The following GABRB2 variants were observed in gnomAD, a reference collection of about 807,000 sequenced individuals.
GABRB2 encodes gamma-aminobutyric acid receptor subunit beta-2.
A neutral mutation model predicts 54.7 loss-of-function variants in GABRB2; 16 were observed. That is an observed-to-expected ratio of 0.29 (90% CI 0.20 to 0.44). The LOEUF (loss-of-function observed/expected upper bound fraction) is 0.44. GABRB2 is among the 20% of genes least tolerant of loss of function. The pLI is 1.00. For missense variants in GABRB2, 355 were observed against 644.0 expected, an observed-to-expected ratio of 0.55 and a Z score of 4.86; for synonymous variants, 244 against 233.8, an observed-to-expected ratio of 1.04 and a Z score of -0.40.
At chr5:161,394,987 T>G (rs1299727692) in intron 5 of GABRB2, among the ~76,000 whole-genome samples, 1 of 152,092 alleles carries the variant, frequency 6.6e-6, no homozygotes, top group African/African-American at 2.4e-5. Context: ...TAACATCATG[T>G]AAAATGACAA....
chr5:161,306,607 T>G (rs985278813), intron 9 of GABRB2, among the ~76,000 whole-genome samples: 2 of 152,168 alleles, frequency 1.3e-5, no homozygotes, highest in Non-Finnish European at 2.9e-5. Context: ...ACTTCGCTTC[T>G]ACAGATTCCG....
intron 5 of GABRB2, among the ~76,000 whole-genome samples, chr5:161,407,299 G>A (rs1161858559): frequency 2.0e-5 from 3 of 152,074 alleles, no homozygotes; most frequent in African/African-American, 7.2e-5. Context: ...CTATTTCAAA[G>A]ATATATAATA....
chr5:161,523,677 A>G (rs1760186003), intron 3 of GABRB2, among the ~76,000 whole-genome samples: 1 of 151,598 alleles, frequency 6.6e-6, no homozygotes, highest in Non-Finnish European at 1.5e-5. Context: ...TTTGGAAATG[A>G]ATGTTGTCTG....
At chr5:161,546,776 C>T, upstream of GABRB2, 1 of 1,469,642 alleles carries the variant, frequency 6.8e-7, no homozygotes, top group Non-Finnish European at 9.0e-7. Context: ...GCGGCGGCTG[C>T]CGGGGACCGA....
chr5:161,453,762 C>A (rs1373403791), intron 4 of GABRB2, among the ~76,000 whole-genome samples: 1 of 152,066 alleles, frequency 6.6e-6, no homozygotes, highest in Non-Finnish European at 1.5e-5. Flanking sequence ...CTTGGCCTAG[C>A]ATAGTGGCTC....
chr5:161,336,557 C>A, intron 6 of GABRB2, 75 bp downstream of exon 6: 4 of 1,519,230 alleles, frequency 2.6e-6, no homozygotes, highest in Non-Finnish European at 3.6e-6. Context: ...TGGGACAGAA[C>A]TCTAATATAA....
intron 4 of GABRB2, among the ~76,000 whole-genome samples, chr5:161,428,159 C>G (rs1757060127): frequency 6.6e-6 from 1 of 151,978 alleles, no homozygotes; most frequent in Non-Finnish European, 1.5e-5. Context: ...GCTCCTAAAT[C>G]CTTTGTTTTG....
intron 5 of GABRB2, among the ~76,000 whole-genome samples, chr5:161,395,524 A>G (rs1222659259): frequency 1.3e-5 from 2 of 152,110 alleles, no homozygotes; most frequent in Non-Finnish European, 2.9e-5. Flanking sequence ...GTTAGGAAAA[A>G]AAGGCAGACA....
chr5:161,535,923 G>A (rs1018516327), intron 3 of GABRB2, among the ~76,000 whole-genome samples: 8 of 152,046 alleles, frequency 5.3e-5, no homozygotes, highest in Non-Finnish European at 8.8e-5. Context: ...TCCACTGAGA[G>A]CTAATTATTA....
intron 8 of GABRB2, among the ~76,000 whole-genome samples, chr5:161,328,987 A>G (rs751626742): frequency 1.3e-5 from 2 of 152,194 alleles, no homozygotes; most frequent in Admixed American, 1.3e-4. Flanking sequence ...CCAAGAGGAT[A>G]GGCTTTTCAC....
intron 3 of GABRB2, among the ~76,000 whole-genome samples, chr5:161,532,272 G>T (rs555256908): frequency 6.6e-6 from 1 of 152,090 alleles, no homozygotes; most frequent in African/African-American, 2.4e-5. Flanking sequence ...GTATATGTAT[G>T]CGTGTGTCTG....
chr5:161,532,372 T>C (rs1296609854), intron 3 of GABRB2, among the ~76,000 whole-genome samples: 1 of 152,126 alleles, frequency 6.6e-6, no homozygotes, highest in African/African-American at 2.4e-5. Context: ...AATTACTTTA[T>C]ACATGATAAT....
At chr5:161,389,111 G>A (rs1044595404) in intron 5 of GABRB2, among the ~76,000 whole-genome samples, 3 of 151,838 alleles carry the variant, frequency 2.0e-5, no homozygotes, top group African/African-American at 7.3e-5. Flanking sequence ...CTATAAAATT[G>A]GATTGTTAAA....
At position 161,362,327 on chromosome 5, in the gene GABRB2, A is replaced by G. The variant is rs151231188; in HGVS notation, c.542-25558T>C. On this transcript the variant is annotated intron_variant, in intron 5 of 9. Coordinates refer to ENST00000393959, the MANE Select transcript of GABRB2 (RefSeq NM_001371727.1). ...TAATTCTGTGAAGAAAGCCAATGGT[A>G]GCTTGATGGGGATAGCATTGAATCT... Among the ~76,000 whole-genome samples the G allele has an allele frequency of 1.1e-3, 164 of 152,322 alleles. 3 individuals carry two copies. The East Asian group carries it at 0.029, about 27-fold the overall frequency.
intron 3 of GABRB2, among the ~76,000 whole-genome samples, chr5:161,475,801 TC>T (rs111484908): frequency 0.062 from 9,408 of 151,952 alleles, 326 homozygotes; most frequent in Middle Eastern, 0.095. Context: ...GGAAACTACC[TC>T]AACATAATAA....
chr5:161,300,801 A>C (rs887341281), intron 9 of GABRB2, among the ~76,000 whole-genome samples: 3 of 152,190 alleles, frequency 2.0e-5, no homozygotes, highest in African/African-American at 7.2e-5. Context: ...GAAAACTGCT[A>C]GTCTATTGGA....
intron 4 of GABRB2, among the ~76,000 whole-genome samples, chr5:161,428,862 A>C (rs1757087687): frequency 6.6e-6 from 1 of 152,206 alleles, no homozygotes; most frequent in African/African-American, 2.4e-5. Flanking sequence ...ATAATAATGA[A>C]AGCACAAAAA....
At position 161,336,803 on chromosome 5, in the gene GABRB2, A is replaced by C. The variant is rs780634930; in HGVS notation, c.542-34T>G. The C allele has an allele frequency of 2.6e-6, 4 of 1,530,928 alleles. No homozygotes were observed. Among genetic ancestry groups the C allele is most frequent in the Non-Finnish European group, 2.6e-6 (3 of 1,142,590 alleles). The allele number at this position is 1,530,928 out of a possible 1,614,324, so 94.8% of individuals were successfully genotyped here. ...GGAAACATACACACACACACACACA[A>C]ATACAGAAAACAAAAAAAAAAAAAC... On this transcript the variant is annotated intron_variant, in intron 5 of 9. Coordinates refer to ENST00000393959, the MANE Select transcript of GABRB2 (RefSeq NM_001371727.1).
chr5:161,418,945 G>A (rs1289074509), intron 4 of GABRB2, among the ~76,000 whole-genome samples: 1 of 152,062 alleles, frequency 6.6e-6, no homozygotes, highest in East Asian at 1.9e-4. Context: ...GGGGAAGCAT[G>A]GCAAAATCCT....
Sources: gnomAD v4.1 joint callset for allele counts (sites outside exome capture counted in the v4.1 genomes callset) on GRCh38, gnomAD v4.1.1 for gene constraint, MANE v1.5 for transcripts, NCBI Gene and HGNC (gene_info 2026-07-23, HGNC 2026-07-21) for gene names.